Variants in ANK2 observed in about 807,000 individuals in gnomAD.
ANK2 encodes the protein ankyrin 2.
Under a neutral mutation model 360.5 loss-of-function variants are expected in ANK2, and 83 were observed. The ratio of observed to expected loss-of-function variants is 0.23; its 90% CI spans 0.19 to 0.28. ANK2 has a LOEUF of 0.28. Ranked by LOEUF, ANK2 falls within the 10% of genes least tolerant of loss-of-function variation. ANK2 has a pLI of 1.00. For missense variants in ANK2, 4,201 were observed against 4,795.7 expected (o/e 0.88, Z 3.66); for synonymous variants, 1,740 against 1,759.5 (o/e 0.99, Z 0.28).
At position 113,330,388 on chromosome 4, in the gene ANK2, G is replaced by A. The variant is rs2153925199; in HGVS notation, c.3043G>A (p.Ala1015Thr). 1 of 1,614,222 alleles carries A rather than the reference G, an allele frequency of 6.2e-7. No homozygotes were observed. Among genetic ancestry groups the A allele is most frequent in the Admixed American group, 1.7e-5 (1 of 60,026 alleles). The change falls in exon 27 of 46, where the codon GCA (alanine) becomes ACA (threonine). Residue 1015 changes from alanine to threonine, a missense_variant. Transcript: ENST00000357077. ...CCGACTGGTCAAGCGCCACAGACTG[G>A]CAACAATGCCTCCAATGGTGGAAGG... ...TCRLVKRHRLATMPPMVEGEG... is the reference protein window; with the variant it reads ...TCRLVKRHRLTTMPPMVEGEG...
intron 14 of ANK2, among the ~76,000 whole-genome samples, chr4:113,271,532 A>G (rs1052964097): frequency 2.0e-5 from 3 of 151,956 alleles, no homozygotes; most frequent in East Asian, 1.9e-4. Context: ...TAAACCTAAT[A>G]ACATTGCTCG....
At chr4:112,999,272 A>T (rs2154283756) in intron 2 of ANK2, among the ~76,000 whole-genome samples, 1 of 152,200 alleles carries the variant, frequency 6.6e-6, no homozygotes, top group Admixed American at 6.5e-5. Context: ...GAGTAACTAT[A>T]ATACTTTATT....
intron 31 of ANK2, 89 bp downstream of exon 31, chr4:113,336,870 T>C: frequency 7.9e-7 from 1 of 1,263,852 alleles, no homozygotes; most frequent in Non-Finnish European, 1.2e-6. Flanking sequence ...TCATAAGATG[T>C]CTGCAGGGTC....
At chr4:113,184,365 C>T (rs1384843365) in intron 2 of ANK2, among the ~76,000 whole-genome samples, 2 of 151,634 alleles carry the variant, frequency 1.3e-5, no homozygotes, top group African/African-American at 4.8e-5. Context: ...CCAGACAGTC[C>T]CAAGCAGATA....
rs1351761256 is a variant in ANK2, at chr4:113,091,576, A to G, written c.84+41764A>G. On this transcript the variant is annotated intron_variant, in intron 1 of 45. Coordinates refer to ENST00000357077, the MANE Select transcript of ANK2 (RefSeq NM_001148.6). ...TTTCTAAAACAGAGAAATGAAATGG[A>G]TCAGCACTACAGAAAATTATCAAAA... Among the ~76,000 whole-genome samples the G allele has an allele frequency of 3.3e-5, 5 of 152,378 alleles. No individual in the cohort carries two copies. In the East Asian group the frequency reaches 9.6e-4, roughly 29 times the overall value.
intron 1 of ANK2, among the ~76,000 whole-genome samples, chr4:113,138,073 T>A (rs1229293832): frequency 2.0e-5 from 3 of 152,214 alleles, no homozygotes; most frequent in African/African-American, 4.8e-5. Flanking sequence ...AAATGATACA[T>A]ATTCAGGGTA....
intron 21 of ANK2, 24 bp downstream of exon 21, chr4:113,292,538 C>T: frequency 6.4e-7 from 1 of 1,569,754 alleles, no homozygotes; most frequent in East Asian, 2.3e-5. Context: ...CACTGCCCCT[C>T]ACCACGCTTT....
the ANK2 span, among the ~76,000 whole-genome samples, chr4:112,804,817 A>G: frequency 1.3e-5 from 2 of 151,992 alleles, no homozygotes; most frequent in Non-Finnish European, 2.9e-5. Flanking sequence ...AAAACTAGCC[A>G]GGCATGGTGG....
At chr4:113,151,055 A>G in intron 1 of ANK2, 2 of 1,280,382 alleles carry the variant, frequency 1.6e-6, no homozygotes, top group Non-Finnish European at 2.0e-6. Context: ...TAGCAAATCT[A>G]TTTATGGGAA....
At chr4:112,734,068 T>C in the ANK2 span, among the ~76,000 whole-genome samples, 12 of 152,076 alleles carry the variant, frequency 7.9e-5, no homozygotes, top group African/African-American at 2.9e-4. Flanking sequence ...AGCCAACACA[T>C]CCAGCTAACA....
chr4:113,366,752 C>T (rs2096553847), intron 41 of ANK2, among the ~76,000 whole-genome samples: 2 of 152,176 alleles, frequency 1.3e-5, no homozygotes, highest in South Asian at 4.1e-4. Flanking sequence ...ATACTAGCCC[C>T]ATTTATCCTC....
chr4:113,017,232 T>C (rs1461033429), intron 2 of ANK2, among the ~76,000 whole-genome samples: 1 of 152,154 alleles, frequency 6.6e-6, no homozygotes, highest in Non-Finnish European at 1.5e-5. Flanking sequence ...ATTCCTTGAG[T>C]CCATTATATA....
At chr4:112,809,509 CGA>C in the ANK2 span, among the ~76,000 whole-genome samples, 3 of 144,184 alleles carry the variant, frequency 2.1e-5, no homozygotes, top group Non-Finnish European at 4.5e-5. Flanking sequence ...TGCAGTGAGC[CGA>C]GATCTCGCCA....
At chr4:113,286,109 G>A (rs2064437996) in intron 18 of ANK2, among the ~76,000 whole-genome samples, 1 of 152,182 alleles carries the variant, frequency 6.6e-6, no homozygotes, top group Non-Finnish European at 1.5e-5. Flanking sequence ...CATCAAAAAT[G>A]TCTTTGAGAT....
intron 2 of ANK2, among the ~76,000 whole-genome samples, chr4:113,023,366 T>C (rs1191863770): frequency 6.6e-6 from 1 of 152,232 alleles, no homozygotes; most frequent in African/African-American, 2.4e-5. Flanking sequence ...CAGCCCCGTC[T>C]GTGTCCACCT....
chr4:113,377,924 G>A (rs1198234215), intron 45 of ANK2, among the ~76,000 whole-genome samples: 1 of 152,082 alleles, frequency 6.6e-6, no homozygotes, highest in Non-Finnish European at 1.5e-5. Flanking sequence ...AAACTAAAAG[G>A]ACTTGTTAAA....
At chr4:113,259,175 AG>A (rs1365959900) in intron 13 of ANK2, among the ~76,000 whole-genome samples, 1 of 152,136 alleles carries the variant, frequency 6.6e-6, no homozygotes, top group African/African-American at 2.4e-5. Flanking sequence ...TCATTGTATC[AG>A]GATAAATCAT....
At chr4:113,096,139 G>A (rs2090935012) in intron 1 of ANK2, among the ~76,000 whole-genome samples, 1 of 152,154 alleles carries the variant, frequency 6.6e-6, no homozygotes, top group Non-Finnish European at 1.5e-5. Flanking sequence ...GCCTGTGACA[G>A]CAACCAGCCT....
chr4:112,937,481 C>T (rs1001648168), intron 2 of ANK2, among the ~76,000 whole-genome samples: 1 of 152,102 alleles, frequency 6.6e-6, no homozygotes, highest in Non-Finnish European at 1.5e-5. Flanking sequence ...GCACCTGCCA[C>T]CACCTCCAGA....
Sources: allele counts gnomAD v4.1 joint callset (sites outside exome capture counted in the v4.1 genomes callset), GRCh38; gene constraint gnomAD v4.1.1; transcripts MANE v1.5; gene names NCBI Gene and HGNC (gene_info 2026-07-23, HGNC 2026-07-21).